ZNF532: variants seen among roughly 807,000 people sequenced by gnomAD.
ZNF532 encodes zinc finger protein 532.
Under a neutral mutation model 89.3 loss-of-function variants are expected in ZNF532, and 22 were observed. That is an observed-to-expected ratio of 0.25 (90% CI 0.18 to 0.35). The LOEUF (loss-of-function observed/expected upper bound fraction) is 0.35, where lower values mean the gene tolerates loss of function less well. Ranked by LOEUF, ZNF532 falls within the 10% of genes least tolerant of loss-of-function variation. The pLI, the probability that ZNF532 is intolerant of heterozygous loss-of-function variation, is 1.00. For synonymous variants in ZNF532, 606 were observed against 649.6 expected, an observed-to-expected ratio of 0.93 and a Z score of 1.02; for missense variants, 1,132 against 1,643.4, an observed-to-expected ratio of 0.69 and a Z score of 5.38.
chr18:58,951,913 T>G (rs536381143), intron 6 of ZNF532, among the ~76,000 whole-genome samples: 4 of 152,256 alleles, frequency 2.6e-5, no homozygotes, highest in Admixed American at 2.6e-4. Context: ...CCTCCCAAAG[T>G]GCTGGGATTA....
chr18:58,900,531 T>C (rs1221498222), intron 2 of ZNF532, among the ~76,000 whole-genome samples: 1 of 152,172 alleles, frequency 6.6e-6, no homozygotes, highest in Non-Finnish European at 1.5e-5. Flanking sequence ...AGGGCCTGGC[T>C]GTCTCTGCAG....
At chr18:58,911,510 C>T (rs536738885) in intron 2 of ZNF532, among the ~76,000 whole-genome samples, 5 of 151,884 alleles carry the variant, frequency 3.3e-5, no homozygotes, top group Admixed American at 2.0e-4. Flanking sequence ...GAGGATCACT[C>T]GAGGCCAGTT....
chr18:58,955,457 C>T (rs1375068233), intron 7 of ZNF532, among the ~76,000 whole-genome samples: 9 of 152,092 alleles, frequency 5.9e-5, no homozygotes, highest in Non-Finnish European at 8.8e-5. Flanking sequence ...AATAGTCATC[C>T]GTAGTGAGAC....
At chr18:58,894,086 T>C (rs370456316) in intron 2 of ZNF532, among the ~76,000 whole-genome samples, 6 of 152,236 alleles carry the variant, frequency 3.9e-5, no homozygotes, top group African/African-American at 1.4e-4. Flanking sequence ...CTGTGGCCTT[T>C]CTTTGTGGCC....
At chr18:58,949,651 G>A (rs2063976220) in intron 6 of ZNF532, among the ~76,000 whole-genome samples, 2 of 152,194 alleles carry the variant, frequency 1.3e-5, no homozygotes, top group Non-Finnish European at 2.9e-5. Flanking sequence ...ACTCCAGCCT[G>A]GGCGACAGAG....
chr18:58,970,731 CAGAGA>C (rs2066393735), intron 7 of ZNF532, among the ~76,000 whole-genome samples: 1 of 152,252 alleles, frequency 6.6e-6, no homozygotes, highest in African/African-American at 2.4e-5. Context: ...AGTCCCCTGA[CAGAGA>C]AGAGATGTGA....
At chr18:58,909,975 A>C (rs943788459) in intron 2 of ZNF532, among the ~76,000 whole-genome samples, 2 of 152,156 alleles carry the variant, frequency 1.3e-5, no homozygotes, top group African/African-American at 4.8e-5. Flanking sequence ...ACAGTGGCTC[A>C]CATGTTTGTA....
At chr18:58,876,435 C>T (rs558197797) in intron 2 of ZNF532, among the ~76,000 whole-genome samples, 1 of 152,298 alleles carries the variant, frequency 6.6e-6, no homozygotes, top group South Asian at 2.1e-4. Flanking sequence ...ATTCTCCAGG[C>T]CTTCCCTGAC....
intron 7 of ZNF532, among the ~76,000 whole-genome samples, chr18:58,966,252 T>G (rs1306681546): frequency 1.3e-5 from 2 of 152,152 alleles, no homozygotes; most frequent in African/African-American, 2.4e-5. Context: ...AAGATGAGAT[T>G]GGAGAATAAT....
chr18:58,896,970 A>G (rs969929351), intron 2 of ZNF532, among the ~76,000 whole-genome samples: 3 of 152,218 alleles, frequency 2.0e-5, no homozygotes, highest in African/African-American at 7.2e-5. Context: ...GAAAGGCTGT[A>G]TGGACTGCGC....
intron 7 of ZNF532, among the ~76,000 whole-genome samples, chr18:58,973,838 G>T (rs75235324): frequency 7.9e-5 from 12 of 152,186 alleles, no homozygotes; most frequent in Non-Finnish European, 1.6e-4. Flanking sequence ...ACCCAACAGC[G>T]TGGAGGAATT....
chr18:58,891,468 T>C (rs2058898936), intron 2 of ZNF532, among the ~76,000 whole-genome samples: 1 of 152,216 alleles, frequency 6.6e-6, no homozygotes, highest in African/African-American at 2.4e-5. Flanking sequence ...AGGCAGAGGT[T>C]GCAGTGAGCC....
At chr18:58,907,299 C>G (rs537279011) in intron 2 of ZNF532, among the ~76,000 whole-genome samples, 10 of 152,222 alleles carry the variant, frequency 6.6e-5, no homozygotes, top group African/African-American at 2.4e-4. Flanking sequence ...GATTCTCTTG[C>G]CTGAGCCTCC....
At chr18:58,868,204 C>T (rs1306863434) in intron 2 of ZNF532, among the ~76,000 whole-genome samples, 1 of 152,150 alleles carries the variant, frequency 6.6e-6, no homozygotes, top group Admixed American at 6.5e-5. Context: ...ATCATGTACT[C>T]CTAATCCCAG....
intron 3 of ZNF532, among the ~76,000 whole-genome samples, chr18:58,932,002 A>C (rs1208144974): frequency 6.6e-6 from 1 of 152,180 alleles, no homozygotes; most frequent in Non-Finnish European, 1.5e-5. Context: ...GAGGCAGGTG[A>C]ATAAAGATAG....
At chr18:58,951,943 G>C (rs1003039202) in intron 6 of ZNF532, among the ~76,000 whole-genome samples, 24 of 152,206 alleles carry the variant, frequency 1.6e-4, no homozygotes, top group Middle Eastern at 3.4e-3. Flanking sequence ...GCCACTGCGC[G>C]TGGCCCACCT....
intron 2 of ZNF532, among the ~76,000 whole-genome samples, chr18:58,895,451 T>C (rs959719404): frequency 5.9e-5 from 9 of 152,248 alleles, no homozygotes; most frequent in African/African-American, 2.2e-4. Flanking sequence ...GGATAAAGAT[T>C]TGGGGAACTC....
Position 58,934,127 on chromosome 18 carries a change from G to T in ZNF532, c.2347-306G>T, listed in dbSNP as rs113103936. On this transcript the variant is annotated intron_variant, in intron 3 of 9. Transcript: ENST00000591808. Reference sequence around the variant, plus strand: ...TAAAGTCTTTTGCTCACATAAATTTGTAAGAATACCTCTTTGCCCTAAGCA... The same window carrying T: ...TAAAGTCTTTTGCTCACATAAATTTTTAAGAATACCTCTTTGCCCTAAGCA... 57 of 242,354 alleles carry T rather than the reference G, an allele frequency of 2.4e-4. 1 individual carries two copies. The highest frequency in any genetic ancestry group is 1.2e-3 in the African/African-American group (54 of 45,418). The allele number at this position is 242,354 out of a possible 1,614,324, so 15.0% of individuals were successfully genotyped here. A position where few individuals can be genotyped will look rare whatever the true frequency, so the allele number is the denominator to read the frequency against.
chr18:58,881,897 T>C (rs1270931190), intron 2 of ZNF532, among the ~76,000 whole-genome samples: 1 of 152,238 alleles, frequency 6.6e-6, no homozygotes, highest in African/African-American at 2.4e-5. Context: ...CCTACTTGTG[T>C]GCATTTTACA....
Sources: allele counts gnomAD v4.1 joint callset (sites outside exome capture counted in the v4.1 genomes callset), GRCh38; gene constraint gnomAD v4.1.1; transcripts MANE v1.5; gene names NCBI Gene and HGNC (gene_info 2026-07-23, HGNC 2026-07-21).